FAM209B: variants seen among roughly 807,000 people sequenced by gnomAD.
FAM209B encodes the protein protein FAM209B.
In FAM209B, 8 loss-of-function variants were observed where a neutral mutation model predicts 8.9. The observed-to-expected ratio is 0.90, with a 90% CI of 0.53 to 1.62. The LOEUF is 1.62. Ranked by LOEUF, FAM209B falls within the 40% of genes most tolerant of loss-of-function variation. The probability of loss-of-function intolerance (pLI) is 0.00; values close to 1 mark genes in which losing one functional copy is unlikely to be tolerated. For synonymous variants in FAM209B, 67 were observed against 75.0 expected (o/e 0.89, Z 0.55); for missense variants, 175 against 205.3 (o/e 0.85, Z 0.90).
intron 1 of FAM209B, among the ~76,000 whole-genome samples, chr20:56,535,275 T>C (rs1346353731): frequency 6.6e-6 from 1 of 150,720 alleles, no homozygotes; most frequent in African/African-American, 2.4e-5. Context: ...TCCCAGCTAC[T>C]TGGGAGGCTG....
Position 56,533,572 on chromosome 20 carries a change from A to G in FAM209B, c.231A>G (p.Arg77=). 6.2e-7 allele frequency: 1 copy of G among 1,614,188 alleles called. No homozygotes were observed. The highest frequency in any genetic ancestry group is 1.1e-5 in the South Asian group (1 of 91,080). Residue 77 remains arginine, a synonymous_variant, in exon 1 of 2, where the codon AGA becomes AGG. Transcript: ENST00000371325. ...VVPFVILQCQ[R]DSEKNKEQSP... The stretch of plus-strand genomic sequence containing the variant: ...CGTTTGTGATACTGCAGTGTCAAAG[A>G]GACAGTGAGAAGAATAAGGTAAGGA...
intron 1 of FAM209B, among the ~76,000 whole-genome samples, chr20:56,535,412 TA>T (rs772811744): frequency 1.2e-3 from 179 of 150,506 alleles, no homozygotes; most frequent in Non-Finnish European, 1.9e-3. Flanking sequence ...GCCAACATGA[TA>T]AAACCCTGTC....
chr20:56,535,252 T>C (rs888715205), intron 1 of FAM209B, among the ~76,000 whole-genome samples: 26 of 147,494 alleles, frequency 1.8e-4, no homozygotes, highest in Non-Finnish European at 3.7e-4. Flanking sequence ...GGTATGGTGG[T>C]GGGCACCTGT....
rs138023870 is a variant in FAM209B at position 56,535,287 on chromosome 20, G to A, written c.250-885G>A. Among the ~76,000 whole-genome samples, 895 of 151,886 alleles carry A rather than the reference G, an allele frequency of 5.9e-3. 10 individuals carry two copies. Among genetic ancestry groups the A allele is most frequent in the African/African-American group, 0.021 (865 of 41,442 alleles). ...TGGTCCCAGCTACTTGGGAGGCTGA[G>A]GCATAAGAGTTGCTTGAACCCCGGC... On this transcript the variant is annotated intron_variant, in intron 1 of 1. Transcript: ENST00000371325.
Position 56,533,427 on chromosome 20 carries a change from C to G in FAM209B, c.86C>G (p.Thr29Ser), listed in dbSNP as rs538531492. The change falls in exon 1 of 2, where the codon ACT becomes AGT. Residue 29 changes from threonine to serine, a missense_variant. By Grantham distance (58) the Thr-to-Ser change is moderately conservative. Coordinates refer to ENST00000371325, the MANE Select transcript of FAM209B (RefSeq NM_001013646.4). ...AFMFSSLRQK[T>S]SEPQGKVPCG... is the part of the protein sequence containing the mutation. ...ATGTTCTCTTCTCTGAGACAGAAAA[C>G]TAGCGAACCCCAGGGGAAGGTGCCG... 6.2e-7 allele frequency: 1 copy of G among 1,613,832 alleles called. No homozygotes were observed. Among genetic ancestry groups the G allele is most frequent in the East Asian group, 2.2e-5 (1 of 44,890 alleles).
At chr20:56,536,079 C>T (rs1600856980) in intron 1 of FAM209B, 93 bp from the exon 2 acceptor site, 2 of 1,183,314 alleles carry the variant, frequency 1.7e-6, no homozygotes, top group Admixed American at 2.6e-5. Context: ...ACTGCTAGAA[C>T]CATCTTTTCT....
At chr20:56,534,697 G>A (rs983162226) in intron 1 of FAM209B, among the ~76,000 whole-genome samples, 4 of 136,184 alleles carry the variant, frequency 2.9e-5, no homozygotes, top group Non-Finnish European at 4.6e-5. Context: ...GTAGTGAGCC[G>A]AGATGGAGCC....
At chr20:56,535,947 C>T (rs982467963) in intron 1 of FAM209B, among the ~76,000 whole-genome samples, 4 of 152,178 alleles carry the variant, frequency 2.6e-5, no homozygotes, top group Non-Finnish European at 2.9e-5. Flanking sequence ...GCTGTTGTAA[C>T]ATGAAGCAGC....
chr20:56,536,159 T>G lies in FAM209B; in HGVS notation c.250-13T>G. On this transcript the variant is annotated splice_polypyrimidine_tract_variant and intron_variant, in intron 1 of 1. Transcript: ENST00000371325. Reference sequence around the variant, plus strand: ...TCCATGATATTATTGACCTTGAATATCTTTCTTGACAGGAGCAGAGTCCTC... The same window carrying G: ...TCCATGATATTATTGACCTTGAATAGCTTTCTTGACAGGAGCAGAGTCCTC... The G allele has an allele frequency of 6.6e-7, 1 of 1,515,146 alleles. No homozygotes were observed. Among genetic ancestry groups the G allele is most frequent in the Non-Finnish European group, 8.8e-7 (1 of 1,133,746 alleles). The allele number at this position is 1,515,146 out of a possible 1,614,324, so 93.9% of individuals were successfully genotyped here.
chr20:56,535,715 A>G (rs1176200324), intron 1 of FAM209B, among the ~76,000 whole-genome samples: 1 of 152,192 alleles, frequency 6.6e-6, no homozygotes, highest in Non-Finnish European at 1.5e-5. Flanking sequence ...ATGAAGGTGT[A>G]AAGTAGTAAC....
chr20:56,536,359 A>G lies in FAM209B; in HGVS notation c.437A>G (p.Lys146Arg), dbSNP rs1328866023. 1 of 1,614,176 alleles carries G rather than the reference A, an allele frequency of 6.2e-7. No individual in the cohort carries two copies. Among genetic ancestry groups the G allele is most frequent in the East Asian group, 2.2e-5 (1 of 44,888 alleles). ...AMATGSGSNLKLRRSEMPADP... is the reference protein window; with the variant it reads ...AMATGSGSNLRLRRSEMPADP... ...GCAACAGGCAGTGGCAGTAACCTCA[A>G]GCTTCGAAGGTCAGAGATGCCTGCA... The change falls in exon 2 of 2, where the codon AAG (lysine) becomes AGG (arginine). Residue 146 changes from lysine (K) to arginine (R), a missense_variant. By Grantham distance (26) the Lys-to-Arg change is conservative. Transcript: ENST00000371325.
chr20:56,536,154 G>A lies in FAM209B; in HGVS notation c.250-18G>A, dbSNP rs776522621. On this transcript the variant is annotated intron_variant, in intron 1 of 1. Transcript: ENST00000371325. ...CAAAGTCCATGATATTATTGACCTT[G>A]AATATCTTTCTTGACAGGAGCAGAG... 1 of 1,513,616 alleles carries A rather than the reference G, an allele frequency of 6.6e-7. No homozygotes were observed. The highest frequency in any genetic ancestry group is 8.8e-7 in the Non-Finnish European group (1 of 1,132,636). The allele number at this position is 1,513,616 out of a possible 1,614,324, so 93.8% of individuals were successfully genotyped here.
intron 1 of FAM209B, among the ~76,000 whole-genome samples, chr20:56,535,499 G>A (rs1248528544): frequency 6.6e-6 from 1 of 151,940 alleles, no homozygotes; most frequent in Non-Finnish European, 1.5e-5. Flanking sequence ...GCTGAGGCAG[G>A]AGAATAGCTG....
rs960791235 is a variant in FAM209B at position 56,533,540 on chromosome 20, G to A, written c.199G>A (p.Val67Ile). Residue 67 changes from valine (V) to isoleucine (I), a missense_variant, in exon 1 of 2, where the codon GTT (valine) becomes ATT (isoleucine). By Grantham distance (29) the Val-to-Ile change is conservative (BLOSUM62 3). Transcript: ENST00000371325. ...CAAATGGCTCTGGCTTTTGTTTGCTGTTGTGCCGTTTGTGATACTGCAGTG... is the reference window on the plus strand; with the variant it reads ...CAAATGGCTCTGGCTTTTGTTTGCTATTGTGCCGTTTGTGATACTGCAGTG... ...GSKWLWLLFA[V>I]VPFVILQCQR... The A allele has an allele frequency of 6.2e-7, 1 of 1,614,186 alleles. No individual in the cohort carries two copies. Among genetic ancestry groups the A allele is most frequent in the Non-Finnish European group, 8.5e-7 (1 of 1,180,032 alleles).
chr20:56,534,057 G>A (rs1985873674), intron 1 of FAM209B, among the ~76,000 whole-genome samples: 1 of 152,110 alleles, frequency 6.6e-6, no homozygotes, highest in African/African-American at 2.4e-5. Flanking sequence ...TCGGGAGGCT[G>A]AGGCAGAAGA....
intron 1 of FAM209B, among the ~76,000 whole-genome samples, chr20:56,534,796 G>A (rs1361482061): frequency 6.9e-6 from 1 of 144,192 alleles, no homozygotes; most frequent in African/African-American, 2.6e-5. Flanking sequence ...GCTCATGCCT[G>A]TAATCCCAGC....
At chr20:56,535,753 A>G (rs909955461) in intron 1 of FAM209B, among the ~76,000 whole-genome samples, 3 of 152,152 alleles carry the variant, frequency 2.0e-5, no homozygotes, top group African/African-American at 7.2e-5. Flanking sequence ...ACCATAAACA[A>G]TTCTTTCAAG....
chr20:56,534,641 G>A (rs1260395424), intron 1 of FAM209B, among the ~76,000 whole-genome samples: 4 of 150,880 alleles, frequency 2.7e-5, no homozygotes, highest in Non-Finnish European at 4.4e-5. Context: ...CCAGCTACTC[G>A]GGAGGCTGAG....
At chr20:56,535,262 T>TG (rs1485105269) in intron 1 of FAM209B, among the ~76,000 whole-genome samples, 1 of 150,188 alleles carries the variant, frequency 6.7e-6, no homozygotes, top group Non-Finnish European at 1.5e-5. Flanking sequence ...TGGGCACCTG[T>TG]GGTCCCAGCT....
Sources: gnomAD v4.1 joint callset for allele counts (sites outside exome capture counted in the v4.1 genomes callset) on GRCh38, gnomAD v4.1.1 for gene constraint, MANE v1.5 for transcripts, NCBI Gene and HGNC (gene_info 2026-07-23, HGNC 2026-07-21) for gene names.